The following ATP11A variants were observed in gnomAD, a reference collection of about 807,000 sequenced individuals.
ATP11A encodes ATPase phospholipid transporting 11A.
In ATP11A, 81 loss-of-function variants were observed where a neutral mutation model predicts 154.4. The ratio of observed to expected loss-of-function variants is 0.52; its 90% CI spans 0.44 to 0.63. The LOEUF is 0.63. Ranked by LOEUF, ATP11A falls within the 30% of genes least tolerant of loss-of-function variation. The pLI, the probability that ATP11A is intolerant of heterozygous loss-of-function variation, is 0.00. For missense variants in ATP11A, 1,316 were observed against 1,474.3 expected (o/e 0.89, Z 1.76); for synonymous variants, 623 against 585.9 (o/e 1.06, Z -0.91).
intron 1 of ATP11A, among the ~76,000 whole-genome samples, chr13:112,764,328 T>C (rs12323208): frequency 0.07 from 10,676 of 152,260 alleles, 1,267 homozygotes; most frequent in African/African-American, 0.24. Flanking sequence ...TCCTTGTGTC[T>C]GTCACAGACA....
chr13:112,866,764 C>T (rs199683037), intron 25 of ATP11A, among the ~76,000 whole-genome samples: 4 of 148,914 alleles, frequency 2.7e-5, no homozygotes, highest in African/African-American at 9.9e-5. Flanking sequence ...TCCTGTGCAC[C>T]ATTTACCTGC....
intron 16 of ATP11A, among the ~76,000 whole-genome samples, chr13:112,839,813 A>T (rs1298694605): frequency 6.6e-6 from 1 of 152,190 alleles, no homozygotes; most frequent in Non-Finnish European, 1.5e-5. Flanking sequence ...TGCTCTTGGC[A>T]TGAGTTGTGA....
chr13:112,767,838 G>A (rs908045200), intron 1 of ATP11A, among the ~76,000 whole-genome samples: 1 of 152,116 alleles, frequency 6.6e-6, no homozygotes. Flanking sequence ...GCTCATCCTT[G>A]TCACCTGCTC....
chr13:112,730,399 A>G (rs1461276008), intron 1 of ATP11A, among the ~76,000 whole-genome samples: 1 of 151,866 alleles, frequency 6.6e-6, no homozygotes, highest in Non-Finnish European at 1.5e-5. Context: ...GTTTGTTCTC[A>G]AAGAGCCAGC....
intron 1 of ATP11A, among the ~76,000 whole-genome samples, chr13:112,700,684 G>A (rs545623014): frequency 1.1e-4 from 17 of 152,200 alleles, no homozygotes; most frequent in Non-Finnish European, 1.8e-4. Context: ...TATCCATAGC[G>A]TCCCCTTCAC....
intron 1 of ATP11A, among the ~76,000 whole-genome samples, chr13:112,765,372 G>C (rs562042606): frequency 1.1e-4 from 16 of 152,176 alleles, no homozygotes; most frequent in Admixed American, 3.9e-4. Context: ...GTCCTGGCCT[G>C]GGGGGGTCGT....
chr13:112,704,014 G>A (rs1053749528), intron 1 of ATP11A, among the ~76,000 whole-genome samples: 9 of 152,244 alleles, frequency 5.9e-5, no homozygotes, highest in East Asian at 5.8e-4. Flanking sequence ...ACGTCTTACC[G>A]TTGACAAAAT....
chr13:112,835,798 CA>C (rs1360949609), intron 15 of ATP11A, among the ~76,000 whole-genome samples: 2 of 152,254 alleles, frequency 1.3e-5, no homozygotes, highest in African/African-American at 4.8e-5. Flanking sequence ...AGGGTAACGC[CA>C]GTTCATTGAC....
chr13:112,786,787 G>T (rs1471302822), intron 2 of ATP11A, among the ~76,000 whole-genome samples: 1 of 152,274 alleles, frequency 6.6e-6, no homozygotes, highest in Non-Finnish European at 1.5e-5. Flanking sequence ...ATTCACACGT[G>T]TGCCCTCACC....
At chr13:112,752,131 G>T (rs2076707457) in intron 1 of ATP11A, among the ~76,000 whole-genome samples, 1 of 152,140 alleles carries the variant, frequency 6.6e-6, no homozygotes, top group African/African-American at 2.4e-5. Flanking sequence ...CTTTCTTAGG[G>T]CCTCTCACTG....
At chr13:112,758,337 C>G (rs1377036635) in intron 1 of ATP11A, among the ~76,000 whole-genome samples, 1 of 152,162 alleles carries the variant, frequency 6.6e-6, no homozygotes, top group African/African-American at 2.4e-5. Context: ...GCTGGGATTA[C>G]AGGCTTGAGC....
chr13:112,737,731 T>G (rs1341800001), intron 1 of ATP11A, among the ~76,000 whole-genome samples: 1 of 152,234 alleles, frequency 6.6e-6, no homozygotes, highest in Non-Finnish European at 1.5e-5. Context: ...ATGGTCACTC[T>G]GGTTTGTATT....
chr13:112,714,921 C>T (rs997819661), intron 1 of ATP11A, among the ~76,000 whole-genome samples: 3 of 152,182 alleles, frequency 2.0e-5, no homozygotes, highest in Non-Finnish European at 2.9e-5. Flanking sequence ...AACTCCGTCC[C>T]GCTTAAATTC....
intron 1 of ATP11A, among the ~76,000 whole-genome samples, chr13:112,773,386 TC>T: frequency 1.3e-5 from 2 of 152,206 alleles, no homozygotes; most frequent in Non-Finnish European, 2.9e-5. Flanking sequence ...GCCGCCTCTC[TC>T]TGTATCGACC....
rs530438983 is a variant in ATP11A, at chr13:112,730,225, A to G, written c.39+39770A>G. ...GCAAGGGCGACCTCGGAGGAGTCCA[A>G]TCTGCCAGGACATGGGCAGCCGCAG... On this transcript the variant is annotated intron_variant, in intron 1 of 29. Coordinates refer to ENST00000375645, the MANE Select transcript of ATP11A (RefSeq NM_015205.3). Among the ~76,000 whole-genome samples, 7 of 152,336 alleles carry G rather than the reference A, an allele frequency of 4.6e-5. No individual in the cohort carries two copies. In the East Asian group the frequency reaches 9.7e-4, roughly 21 times the overall value.
At chr13:112,802,210 G>T (rs1179399322) in intron 2 of ATP11A, among the ~76,000 whole-genome samples, 2 of 152,152 alleles carry the variant, frequency 1.3e-5, no homozygotes, top group Non-Finnish European at 2.9e-5. Context: ...GCCGGGCGTG[G>T]TGGTGGGCGC....
chr13:112,789,771 C>T (rs1413547109), intron 2 of ATP11A, among the ~76,000 whole-genome samples: 7 of 151,066 alleles, frequency 4.6e-5, no homozygotes, highest in East Asian at 3.9e-4. Flanking sequence ...TAATTCACAC[C>T]GGGTGTCCTG....
rs1297447762 is a variant in ATP11A at position 112,864,904 on chromosome 13, G to A, written c.2991+2329G>A. Reference sequence around the variant, plus strand: ...GTGCAGGCCTGCGCAGCTTCCCAGCGGGGTCCATCACCACCTGCGCAGTAA... The same window carrying A: ...GTGCAGGCCTGCGCAGCTTCCCAGCAGGGTCCATCACCACCTGCGCAGTAA... On this transcript the variant is annotated intron_variant, in intron 25 of 29. Transcript: ENST00000375645. 4.6e-5 allele frequency among the ~76,000 whole-genome samples: 5 copies of A among 108,362 alleles called. 1 individual carries two copies. Among genetic ancestry groups the A allele is most frequent in the Non-Finnish European group, 9.5e-5 (5 of 52,760 alleles). The allele number at this position is 108,362 out of a possible 152,430, so 71.1% of individuals were successfully genotyped here.
At chr13:112,877,474 C>T (rs1423238864) in intron 28 of ATP11A, among the ~76,000 whole-genome samples, 4 of 152,354 alleles carry the variant, frequency 2.6e-5, no homozygotes, top group Non-Finnish European at 5.9e-5. Flanking sequence ...TACATGGGGA[C>T]GTGGCAGACA....
Sources: allele counts gnomAD v4.1 joint callset (sites outside exome capture counted in the v4.1 genomes callset), GRCh38; gene constraint gnomAD v4.1.1; transcripts MANE v1.5; gene names NCBI Gene and HGNC (gene_info 2026-07-23, HGNC 2026-07-21).